The following EDIL3 variants were observed in gnomAD, a reference collection of about 807,000 sequenced individuals.
EDIL3 encodes the protein EGF-like repeat and discoidin I-like domain-containing protein 3.
Under a neutral mutation model 67.4 loss-of-function variants are expected in EDIL3, and 37 were observed. The observed-to-expected ratio is 0.55, with a 90% CI of 0.42 to 0.72. EDIL3 has a LOEUF of 0.72. EDIL3 is among the 30% of genes least tolerant of loss of function. The pLI, the probability that EDIL3 is intolerant of heterozygous loss-of-function variation, is 0.00. For synonymous variants in EDIL3, 195 were observed against 196.3 expected, an observed-to-expected ratio of 0.99 and a Z score of 0.05; for missense variants, 527 against 586.3, an observed-to-expected ratio of 0.90 and a Z score of 1.04.
intron 9 of EDIL3, among the ~76,000 whole-genome samples, chr5:84,032,235 T>C (rs1042908355): frequency 6.6e-6 from 1 of 152,188 alleles, no homozygotes; most frequent in Non-Finnish European, 1.5e-5. Flanking sequence ...CTTTAAAACT[T>C]GCTTGGTCTT....
intron 3 of EDIL3, among the ~76,000 whole-genome samples, chr5:84,217,370 A>G (rs1323223351): frequency 2.6e-5 from 4 of 152,224 alleles, no homozygotes; most frequent in Non-Finnish European, 5.9e-5. Flanking sequence ...TGAGATAGTT[A>G]AATTTTACAC....
intron 1 of EDIL3, among the ~76,000 whole-genome samples, chr5:84,340,534 C>CTCTCTATATATATATA (rs1432966515): frequency 3.7e-5 from 2 of 54,208 alleles, no homozygotes; most frequent in African/African-American, 6.2e-5. Context: ...CTCTCTCTCT[C>CTCTCTATATATATATA]TATATATATA....
intron 1 of EDIL3, among the ~76,000 whole-genome samples, chr5:84,269,977 A>C (rs1745429672): frequency 6.6e-6 from 1 of 152,196 alleles, no homozygotes; most frequent in Non-Finnish European, 1.5e-5. Flanking sequence ...TTAAATGAAA[A>C]AGCAGTGTAT....
chr5:84,159,767 A>G (rs1748571566), intron 4 of EDIL3, among the ~76,000 whole-genome samples: 1 of 152,128 alleles, frequency 6.6e-6, no homozygotes, highest in African/African-American at 2.4e-5. Context: ...GTTATCATTA[A>G]CTAATACCTA....
intron 9 of EDIL3, among the ~76,000 whole-genome samples, chr5:84,039,129 G>T (rs114300638): frequency 0.017 from 2,642 of 151,166 alleles, 69 homozygotes; most frequent in African/African-American, 0.06. Context: ...TTAATTATAT[G>T]AATCCATTGA....
At chr5:84,093,356 A>T (rs558177649) in intron 6 of EDIL3, among the ~76,000 whole-genome samples, 2 of 152,174 alleles carry the variant, frequency 1.3e-5, no homozygotes, top group South Asian at 4.1e-4. Flanking sequence ...AATGACTATA[A>T]AGGTATTTTA....
In EDIL3 at chr5:84,076,202, C is replaced by T. The variant is rs72774773; in HGVS notation, c.652-9596G>A. Among the ~76,000 whole-genome samples, 867 of 151,956 alleles carry T rather than the reference C, an allele frequency of 5.7e-3. 9 individuals carry two copies. Among genetic ancestry groups the T allele is most frequent in the African/African-American group, 0.019 (802 of 41,470 alleles). On this transcript the variant is annotated intron_variant, in intron 6 of 10. Coordinates refer to ENST00000296591, the MANE Select transcript of EDIL3 (RefSeq NM_005711.5). ...AGGTTCTCATATTTGTTTCTATATT[C>T]AATCTATTGCAATATGTTGTTTTGG... is the stretch of plus-strand genomic sequence containing the variant.
intron 9 of EDIL3, among the ~76,000 whole-genome samples, chr5:83,971,757 G>A (rs551621235): frequency 6.6e-6 from 1 of 151,860 alleles, no homozygotes; most frequent in African/African-American, 2.4e-5. Flanking sequence ...GCTCCTCTTT[G>A]TCCCTTACCA....
At chr5:84,202,476 T>C (rs1743864302) in intron 3 of EDIL3, among the ~76,000 whole-genome samples, 1 of 152,184 alleles carries the variant, frequency 6.6e-6, no homozygotes, top group South Asian at 2.1e-4. Flanking sequence ...CAAAGAATTT[T>C]AGTACTATAG....
Position 84,180,477 on chromosome 5 carries a change from T to A in EDIL3, c.271A>T (p.Ile91Leu). The change falls in exon 4 of 11, where the codon ATA (isoleucine) becomes TTA (leucine). Residue 91 changes from isoleucine (I) to leucine (L), a missense_variant. Ile to Leu is a conservative substitution (Grantham distance 5). Coordinates refer to ENST00000296591, the MANE Select transcript of EDIL3 (RefSeq NM_005711.5). ...GTATCCCCTCGGTATGCTTCACTTA[T>A]TTCACAGGTTCCTCCATTATGGCAT... ...NPCHNGGTCE[I>L]SEAYRGDTFI... 6.2e-7 allele frequency: 1 copy of A among 1,608,514 alleles called. No homozygotes were observed. The highest frequency in any genetic ancestry group is 8.5e-7 in the Non-Finnish European group (1 of 1,177,280).
At chr5:84,357,015 C>T (rs568751415) in intron 1 of EDIL3, among the ~76,000 whole-genome samples, 13 of 149,698 alleles carry the variant, frequency 8.7e-5, no homozygotes, top group Admixed American at 3.4e-4. Context: ...ACCTCTGCCT[C>T]CCAGGTTCAA....
intron 4 of EDIL3, among the ~76,000 whole-genome samples, chr5:84,158,069 G>A (rs1168804143): frequency 6.6e-6 from 1 of 152,062 alleles, no homozygotes; most frequent in Non-Finnish European, 1.5e-5. Context: ...GGCACAACAA[G>A]TTTTGTTATA....
chr5:84,246,602 T>A (rs1744913453), intron 2 of EDIL3, among the ~76,000 whole-genome samples: 1 of 152,254 alleles, frequency 6.6e-6, no homozygotes, highest in African/African-American at 2.4e-5. Context: ...GTGGTTTAAA[T>A]GACATACATC....
chr5:83,999,570 C>G (rs1745288371), intron 9 of EDIL3, among the ~76,000 whole-genome samples: 1 of 151,912 alleles, frequency 6.6e-6, no homozygotes, highest in Admixed American at 6.6e-5. Flanking sequence ...AACTTGAAGA[C>G]AGGCTTTATG....
At chr5:84,173,322 G>T (rs779501888) in intron 4 of EDIL3, among the ~76,000 whole-genome samples, 3 of 152,122 alleles carry the variant, frequency 2.0e-5, no homozygotes, top group Admixed American at 6.5e-5. Context: ...AGCCATAGAG[G>T]CTGAGCTCAT....
At chr5:84,307,916 G>A (rs1488347881) in intron 1 of EDIL3, among the ~76,000 whole-genome samples, 1 of 152,162 alleles carries the variant, frequency 6.6e-6, no homozygotes, top group African/African-American at 2.4e-5. Context: ...GAAATCAGAA[G>A]GGTAGCTTGA....
intron 3 of EDIL3, 79 bp from the exon 4 acceptor site, chr5:84,180,600 ATTTT>A: frequency 7.1e-7 from 1 of 1,409,786 alleles, no homozygotes; most frequent in African/African-American, 1.5e-5. Context: ...GCAATTAATA[ATTTT>A]ACAGAAAAAA....
At chr5:84,375,187 G>A (rs1747942214) in intron 1 of EDIL3, among the ~76,000 whole-genome samples, 2 of 152,050 alleles carry the variant, frequency 1.3e-5, no homozygotes, top group African/African-American at 4.8e-5. Context: ...GGCCAGGATG[G>A]TCTCGATCTC....
intron 9 of EDIL3, among the ~76,000 whole-genome samples, chr5:84,016,316 A>G (rs998120464): frequency 2.0e-5 from 3 of 152,168 alleles, no homozygotes; most frequent in African/African-American, 7.2e-5. Flanking sequence ...GTTTATCGTC[A>G]TGCATATCAA....
Sources: gnomAD v4.1 joint callset for allele counts (sites outside exome capture counted in the v4.1 genomes callset) on GRCh38, gnomAD v4.1.1 for gene constraint, MANE v1.5 for transcripts, NCBI Gene and HGNC (gene_info 2026-07-23, HGNC 2026-07-21) for gene names.